Variants in SORCS1 observed in about 807,000 individuals in gnomAD.
The protein encoded by SORCS1 is sortilin related VPS10 domain containing receptor 1, also known as VPS10 domain-containing receptor SorCS1.
SORCS1 carries 60 observed loss-of-function variants against 146.1 expected under a neutral mutation model. The observed-to-expected ratio is 0.41, with a 90% CI of 0.33 to 0.51. The LOEUF (loss-of-function observed/expected upper bound fraction) is 0.51, where lower values mean the gene tolerates loss of function less well. Ranked by LOEUF, SORCS1 falls within the 20% of genes least tolerant of loss-of-function variation. The pLI, the probability that SORCS1 is intolerant of heterozygous loss-of-function variation, is 0.21. For synonymous variants in SORCS1, 637 were observed against 584.0 expected (o/e 1.09, Z -1.31); for missense variants, 1,352 against 1,487.6 (o/e 0.91, Z 1.50).
chr10:106,857,962 A>G (rs1445294146), intron 2 of SORCS1, among the ~76,000 whole-genome samples: 1 of 152,222 alleles, frequency 6.6e-6, no homozygotes, highest in Non-Finnish European at 1.5e-5. Flanking sequence ...CTGTCAGCCT[A>G]AACATATAAT....
At chr10:107,065,427 C>CTTTCTTTCTTTCTTTCTTTCTT (rs1961680601) in intron 1 of SORCS1, among the ~76,000 whole-genome samples, 1 of 147,820 alleles carries the variant, frequency 6.8e-6, no homozygotes, top group African/African-American at 2.5e-5. Flanking sequence ...TTCTTTCTTT[C>CTTTCTTTCTTTCTTTCTTTCTT]TTTCTTTCTT....
intron 3 of SORCS1, among the ~76,000 whole-genome samples, chr10:106,809,172 G>C (rs368984067): frequency 2.0e-5 from 3 of 151,384 alleles, no homozygotes; most frequent in Non-Finnish European, 4.4e-5. Context: ...TTGTGGTTGT[G>C]GGGGGAGGGG....
chr10:107,068,870 A>AG (rs11384839), intron 1 of SORCS1, among the ~76,000 whole-genome samples: 4 of 24,840 alleles, frequency 1.6e-4, no homozygotes. Context: ...ACTCCGTCTC[A>AG]AAAAAAAAAA....
chr10:106,916,367 T>C (rs1408742488), intron 2 of SORCS1, among the ~76,000 whole-genome samples: 3 of 151,748 alleles, frequency 2.0e-5, no homozygotes, highest in South Asian at 4.2e-4. Context: ...TCCATTATAC[T>C]ATTGGCTATT....
intron 17 of SORCS1, among the ~76,000 whole-genome samples, chr10:106,659,681 C>T (rs1373879922): frequency 6.6e-6 from 1 of 152,112 alleles, no homozygotes; most frequent in African/African-American, 2.4e-5. Context: ...ACGTCTGGGA[C>T]TCTGGACTAA....
chr10:107,146,636 T>G (rs181119967), intron 1 of SORCS1, among the ~76,000 whole-genome samples: 1 of 152,234 alleles, frequency 6.6e-6, no homozygotes, highest in Non-Finnish European at 1.5e-5. Flanking sequence ...TACTTGAAGA[T>G]GATATGTCAT....
intron 2 of SORCS1, among the ~76,000 whole-genome samples, chr10:106,877,514 C>T (rs1315803084): frequency 6.6e-6 from 1 of 152,112 alleles, no homozygotes; most frequent in Non-Finnish European, 1.5e-5. Context: ...ATCAGGGTGA[C>T]AGACCGAGTC....
chr10:106,733,127 A>AAG (rs1192697857), intron 5 of SORCS1, among the ~76,000 whole-genome samples: 5 of 150,072 alleles, frequency 3.3e-5, no homozygotes, highest in African/African-American at 1.2e-4. Flanking sequence ...AAAAGAAAAG[A>AAG]AAAGAAAAGA....
chr10:106,806,994 A>G lies in SORCS1; in HGVS notation c.726+22580T>C, dbSNP rs546651749. ...ACACAATATCAATAAAGGCATGGGG[A>G]AAAAAAGCACATATGTTCACCATCC... On this transcript the variant is annotated intron_variant, in intron 3 of 25. Transcript: ENST00000263054. Among the ~76,000 whole-genome samples, 23 of 152,206 alleles carry G rather than the reference A, an allele frequency of 1.5e-4. No individual in the cohort carries two copies. In the South Asian group the frequency reaches 2.1e-3, roughly 14 times the overall value.
At chr10:107,022,165 T>G (rs1454274930) in intron 1 of SORCS1, among the ~76,000 whole-genome samples, 1 of 152,200 alleles carries the variant, frequency 6.6e-6, no homozygotes, top group Admixed American at 6.5e-5. Flanking sequence ...CAAGTGGTTC[T>G]TGGCATACCC....
At chr10:106,858,921 G>A (rs879010320) in intron 2 of SORCS1, among the ~76,000 whole-genome samples, 6 of 152,004 alleles carry the variant, frequency 3.9e-5, no homozygotes, top group Admixed American at 2.6e-4. Context: ...TATCCAATAT[G>A]TACCATCCAT....
chr10:107,104,556 A>G (rs1229801721), intron 1 of SORCS1, among the ~76,000 whole-genome samples: 2 of 152,318 alleles, frequency 1.3e-5, no homozygotes, highest in East Asian at 1.9e-4. Context: ...GTAAAGGAAC[A>G]TAAGTGTGAT....
chr10:106,755,465 T>C (rs767098767), intron 5 of SORCS1, among the ~76,000 whole-genome samples: 1 of 152,218 alleles, frequency 6.6e-6, no homozygotes, highest in Non-Finnish European at 1.5e-5. Context: ...TAGACCAATG[T>C]AGTTACTCAA....
intron 1 of SORCS1, among the ~76,000 whole-genome samples, chr10:106,971,733 T>C (rs1009436774): frequency 6.6e-6 from 1 of 152,236 alleles, no homozygotes; most frequent in Non-Finnish European, 1.5e-5. Flanking sequence ...TGTGGGATTT[T>C]TGAAGGTTGG....
intron 18 of SORCS1, among the ~76,000 whole-genome samples, chr10:106,650,921 G>A (rs931740624): frequency 2.7e-5 from 4 of 150,768 alleles, no homozygotes; most frequent in Non-Finnish European, 5.9e-5. Context: ...AAATATATAC[G>A]CATATATTTG....
intron 3 of SORCS1, among the ~76,000 whole-genome samples, chr10:106,778,173 A>C (rs1341921916): frequency 6.6e-6 from 1 of 152,122 alleles, no homozygotes; most frequent in Non-Finnish European, 1.5e-5. Flanking sequence ...CACTCTGCCC[A>C]AACTCTGTTT....
At chr10:106,729,183 T>A (rs969558090) in intron 6 of SORCS1, among the ~76,000 whole-genome samples, 50 of 152,360 alleles carry the variant, frequency 3.3e-4, no homozygotes, top group African/African-American at 1.2e-3. Flanking sequence ...CTCTGTGAGA[T>A]AGACATCACT....
At chr10:106,896,032 G>T (rs1951461392) in intron 2 of SORCS1, among the ~76,000 whole-genome samples, 2 of 151,964 alleles carry the variant, frequency 1.3e-5, no homozygotes, top group African/African-American at 4.8e-5. Flanking sequence ...AACATAGATG[G>T]AACTTGGCGA....
chr10:107,146,232 T>C (rs1438014130), intron 1 of SORCS1, among the ~76,000 whole-genome samples: 2 of 152,298 alleles, frequency 1.3e-5, no homozygotes, highest in East Asian at 3.9e-4. Flanking sequence ...CTCACCAATG[T>C]CCATGATAAG....
Sources: gnomAD v4.1 joint callset for allele counts (sites outside exome capture counted in the v4.1 genomes callset) on GRCh38, gnomAD v4.1.1 for gene constraint, MANE v1.5 for transcripts, NCBI Gene and HGNC (gene_info 2026-07-23, HGNC 2026-07-21) for gene names.